TRPV4: variants seen among roughly 807,000 people sequenced by gnomAD.
TRPV4 encodes the protein transient receptor potential cation channel subfamily V member 4.
Under a neutral mutation model 84.1 loss-of-function variants are expected in TRPV4, and 58 were observed. The observed-to-expected ratio is 0.69, with a 90% CI of 0.56 to 0.86. The LOEUF (loss-of-function observed/expected upper bound fraction) is 0.86, where lower values mean the gene tolerates loss of function less well. TRPV4 is among the 40% of genes least tolerant of loss of function. The probability of loss-of-function intolerance (pLI) is 0.00; values close to 1 mark genes in which losing one functional copy is unlikely to be tolerated. For missense variants in TRPV4, 879 were observed against 1,181.1 expected, an observed-to-expected ratio of 0.74 and a Z score of 3.75; for synonymous variants, 489 against 500.9, an observed-to-expected ratio of 0.98 and a Z score of 0.32.
At chr12:109,787,679 G>C (rs937559869) in intron 13 of TRPV4, among the ~76,000 whole-genome samples, 4 of 152,206 alleles carry the variant, frequency 2.6e-5, no homozygotes, top group African/African-American at 9.7e-5. Context: ...GGCCAGAGCT[G>C]TTTCCCTCAG....
chr12:109,813,651 G>A (rs1276424410), intron 2 of TRPV4, among the ~76,000 whole-genome samples: 3 of 152,134 alleles, frequency 2.0e-5, no homozygotes, highest in Admixed American at 6.5e-5. Context: ...GGGTAAATGG[G>A]TAGAGTAATG....
chr12:109,816,638 C>T (rs1158635795), intron 1 of TRPV4, among the ~76,000 whole-genome samples: 3 of 152,190 alleles, frequency 2.0e-5, no homozygotes, highest in Admixed American at 6.5e-5. Context: ...ATTAGCCAGG[C>T]GTGGTGGCAC....
At chr12:109,788,119 T>G (rs1201556275) in intron 13 of TRPV4, among the ~76,000 whole-genome samples, 7 of 151,922 alleles carry the variant, frequency 4.6e-5, no homozygotes, top group African/African-American at 1.7e-4. Context: ...CAGAAGTCAC[T>G]CAGTCATGCT....
At chr12:109,788,049 T>C (rs1156784349) in intron 13 of TRPV4, among the ~76,000 whole-genome samples, 1 of 152,230 alleles carries the variant, frequency 6.6e-6, no homozygotes. Context: ...AAGCTGCCCC[T>C]GGGCTCAGCG....
chr12:109,788,392 G>A lies in TRPV4; in HGVS notation c.2208+8C>T. 4.3e-6 allele frequency: 7 copies of A among 1,612,054 alleles called. No homozygotes were observed. The highest frequency in any genetic ancestry group is 1.1e-5 in the South Asian group (1 of 90,900). ...GGTAGAGTGGGGCTGGGGGCCCTGG[G>A]GCCTCACCTGCAGCTTCCAGATGTG... On this transcript the variant is annotated splice_region_variant and intron_variant, in intron 13 of 15. Coordinates refer to ENST00000261740, the MANE Select transcript of TRPV4 (RefSeq NM_021625.5).
chr12:109,809,589 C>CCCAT (rs371105952), intron 2 of TRPV4, among the ~76,000 whole-genome samples: 1,995 of 149,796 alleles, frequency 0.013, 55 homozygotes, highest in African/African-American at 0.046. Context: ...CATCCACTCA[C>CCCAT]CCATCCATCC....
At position 109,803,037 on chromosome 12, in the gene TRPV4, G is replaced by A; in HGVS notation, c.666C>T (p.Asn222=). 1 of 1,614,198 alleles carries A rather than the reference G, an allele frequency of 6.2e-7. No individual in the cohort carries two copies. Among genetic ancestry groups the A allele is most frequent in the Non-Finnish European group, 8.5e-7 (1 of 1,180,044 alleles). The change falls in exon 4 of 16, where the codon AAC becomes AAT. Residue 222 remains asparagine, a synonymous_variant. Coordinates refer to ENST00000261740, the MANE Select transcript of TRPV4 (RefSeq NM_021625.5). The part of the protein sequence containing the change: ...VLLDIAERTG[N]MREFINSPFR... ...AGGGCGAGTTAATGAACTCCCTCAT[G>A]TTGCCGGTGCGCTCCGCGATGTCCA...
intron 7 of TRPV4, among the ~76,000 whole-genome samples, chr12:109,795,933 T>A (rs1343018009): frequency 6.6e-6 from 1 of 151,346 alleles, no homozygotes; most frequent in Non-Finnish European, 1.5e-5. Context: ...TTTATTATTT[T>A]TTTTTGGTAG....
chr12:109,799,571 C>T (rs1017114301), intron 5 of TRPV4, among the ~76,000 whole-genome samples: 1 of 152,132 alleles, frequency 6.6e-6, no homozygotes, highest in Non-Finnish European at 1.5e-5. Context: ...GGGCTTTGGG[C>T]CTGGTGATGG....
In TRPV4 at chr12:109,793,369, C is replaced by G; in HGVS notation, c.1658+158G>C. 2.8e-6 allele frequency: 2 copies of G among 717,798 alleles called. No individual in the cohort carries two copies. Among genetic ancestry groups the G allele is most frequent in the South Asian group, 3.0e-5 (2 of 67,228 alleles). The allele number at this position is 717,798 out of a possible 1,614,324, so 44.5% of individuals were successfully genotyped here. ...CAGAATTTTTCTTGAACCAGAAGAC[C>G]CTATTGTTTGTGGCTTTGTCCTGAC... On this transcript the variant is annotated intron_variant, in intron 10 of 15. Coordinates refer to ENST00000261740, the MANE Select transcript of TRPV4 (RefSeq NM_021625.5). The surrounding 1 kb of genome is among the most constrained non-coding windows in gnomAD (Gnocchi z 4.0).
At position 109,786,228 on chromosome 12, in the gene TRPV4, A is replaced by G. The variant is rs1037557131; in HGVS notation, c.2336+482T>C. 6.6e-6 allele frequency among the ~76,000 whole-genome samples: 1 copy of G among 152,202 alleles called. No individual in the cohort carries two copies. The highest frequency in any genetic ancestry group is 1.5e-5 in the Non-Finnish European group (1 of 68,036). ...CACTCCCTGTGCCTCTGGAACACGG[A>G]GTCATTCTGCAGATGGGCTGGGTGA... is the stretch of plus-strand genomic sequence containing the variant. On this transcript the variant is annotated intron_variant, in intron 14 of 15. Transcript: ENST00000261740. The surrounding 1 kb of genome is among the most constrained non-coding windows in gnomAD (Gnocchi z 4.5).
At chr12:109,789,411 G>T (rs1031332449) in intron 12 of TRPV4, among the ~76,000 whole-genome samples, 1 of 152,102 alleles carries the variant, frequency 6.6e-6, no homozygotes, top group Non-Finnish European at 1.5e-5. Context: ...GCCCCTATTC[G>T]CAGGGGTAGA....
intron 7 of TRPV4, among the ~76,000 whole-genome samples, chr12:109,795,373 A>G (rs992696465): frequency 1.3e-5 from 2 of 152,228 alleles, no homozygotes; most frequent in African/African-American, 4.8e-5. Flanking sequence ...TAATTCAAAA[A>G]ATGAGGGAAA....
chr12:109,820,516 A>ATTT lies in TRPV4; in HGVS notation c.-31-5692_-31-5690dup, dbSNP rs1166251387. Among the ~76,000 whole-genome samples the ATTT allele has an allele frequency of 7.3e-3, 677 of 92,376 alleles. 15 individuals are homozygous for ATTT. Among genetic ancestry groups the ATTT allele is most frequent in the Non-Finnish European group, 9.6e-3 (491 of 51,154 alleles). 60.6% of individuals were successfully genotyped at this position (92,376 alleles called of 152,430 possible). A position where few individuals can be genotyped will look rare whatever the true frequency, so the allele number is the denominator to read the frequency against. On this transcript the variant is annotated intron_variant, in intron 1 of 15. Transcript: ENST00000261740. ...GATCTTCACTTTCTTCAGCTGCCCT[A>ATTT]TTTTTTTTTTTTTTTTTTTTTTTTT...
In TRPV4 at chr12:109,814,256, AATAG is replaced by A. The variant is rs1891715399; in HGVS notation, c.386+151_386+154del. On this transcript the variant is annotated intron_variant, in intron 2 of 15. Coordinates refer to ENST00000261740, the MANE Select transcript of TRPV4 (RefSeq NM_021625.5). The surrounding 1 kb of genome is among the most constrained non-coding windows in gnomAD (Gnocchi z 5.4). The stretch of plus-strand genomic sequence containing the variant: ...CGGATGATATATGGATAGGGAGATG[AATAG>A]ATGGATGGATAGATGTATGGATGGT... Among the ~76,000 whole-genome samples, 1 of 150,884 alleles carries A rather than the reference AATAG, an allele frequency of 6.6e-6. No individual in the cohort carries two copies. The highest frequency in any genetic ancestry group is 1.5e-5 in the Non-Finnish European group (1 of 67,666).
At chr12:109,811,514 C>T (rs942778889) in intron 2 of TRPV4, among the ~76,000 whole-genome samples, 4 of 152,040 alleles carry the variant, frequency 2.6e-5, no homozygotes, top group African/African-American at 4.8e-5. Flanking sequence ...AAAAATTAGC[C>T]GGTTGTGGTC....
At chr12:109,812,083 C>T (rs1891555244) in intron 2 of TRPV4, among the ~76,000 whole-genome samples, 1 of 152,158 alleles carries the variant, frequency 6.6e-6, no homozygotes, top group African/African-American at 2.4e-5. Flanking sequence ...AGGGAGGGCT[C>T]AACCTCACAA....
In TRPV4 at chr12:109,796,761, G is replaced by A. The variant is rs1890427948; in HGVS notation, c.1153-57C>T. ...CACACTGGAAAGACCCCCAGGGCTGGGCCCAGCTCAGCACATGACGCCTCC... is the reference window on the plus strand; with the variant it reads ...CACACTGGAAAGACCCCCAGGGCTGAGCCCAGCTCAGCACATGACGCCTCC... On this transcript the variant is annotated intron_variant, in intron 6 of 15. Transcript: ENST00000261740. This position sits in a 1 kb window ranked among gnomAD's most constrained non-coding sequence, Gnocchi z 4.2. 2 of 1,558,574 alleles carry A rather than the reference G, an allele frequency of 1.3e-6. No homozygotes were observed. Among genetic ancestry groups the A allele is most frequent in the Non-Finnish European group, 1.7e-6 (2 of 1,150,482 alleles).
chr12:109,821,170 C>G (rs188784094), intron 1 of TRPV4, among the ~76,000 whole-genome samples: 10 of 152,376 alleles, frequency 6.6e-5, no homozygotes, highest in African/African-American at 2.4e-4. Flanking sequence ...TCCGCCCCAG[C>G]GGGGAGGAAT....
Sources: gnomAD v4.1 joint callset for allele counts (sites outside exome capture counted in the v4.1 genomes callset) on GRCh38, gnomAD v4.1.1 for gene constraint, Gnocchi (gnomAD v3.1) non-coding constraint, MANE v1.5 for transcripts, NCBI Gene and HGNC (gene_info 2026-07-23, HGNC 2026-07-21) for gene names.